The following PLXDC2 variants were observed in gnomAD, a reference collection of about 807,000 sequenced individuals.
The protein encoded by PLXDC2 is plexin domain-containing protein 2.
PLXDC2 carries 40 observed loss-of-function variants against 68.9 expected under a neutral mutation model. That is an observed-to-expected ratio of 0.58 (90% CI 0.45 to 0.76). The LOEUF (loss-of-function observed/expected upper bound fraction) is 0.76. Among genes scored for constraint, PLXDC2 ranks in the 30% least tolerant of loss-of-function variants. The pLI, the probability that PLXDC2 is intolerant of heterozygous loss-of-function variation, is 0.00. For missense variants in PLXDC2, 644 were observed against 661.9 expected, an observed-to-expected ratio of 0.97 and a Z score of 0.30; for synonymous variants, 243 against 234.2, an observed-to-expected ratio of 1.04 and a Z score of -0.34.
intron 9 of PLXDC2, among the ~76,000 whole-genome samples, chr10:20,189,600 T>A (rs1393664020): frequency 6.8e-6 from 1 of 148,054 alleles, no homozygotes; most frequent in Non-Finnish European, 1.5e-5. Context: ...TTAGGGCAAT[T>A]TGGGCACTCA....
rs1454935473 is a variant in PLXDC2 at position 20,281,085 on chromosome 10, G to T, written c.*1266G>T. On this transcript the variant is annotated 3_prime_UTR_variant, in exon 14 of 14. Coordinates refer to ENST00000377252, the MANE Select transcript of PLXDC2 (RefSeq NM_032812.9). ...TATTTTTCTGTCACTTAGCAAAAGT[G>T]GTTCAGTTCATTGCCGCGCCCATCA... 3 of 152,038 alleles carry T rather than the reference G, an allele frequency of 2.0e-5. No individual in the cohort carries two copies. The highest frequency in any genetic ancestry group is 7.2e-5 in the African/African-American group (3 of 41,408). 9.4% of individuals were successfully genotyped at this position (152,038 alleles called of 1,614,324 possible). A position where few individuals can be genotyped will look rare whatever the true frequency, so the allele number is the denominator to read the frequency against.
chr10:20,272,115 C>CT (rs1835948105), intron 13 of PLXDC2, among the ~76,000 whole-genome samples: 1 of 151,944 alleles, frequency 6.6e-6, no homozygotes, highest in Admixed American at 6.6e-5. Context: ...GGGGAAGGGC[C>CT]CTTTTTCAGG....
At chr10:19,836,891 G>A (rs996860308) in intron 1 of PLXDC2, among the ~76,000 whole-genome samples, 1 of 152,168 alleles carries the variant, frequency 6.6e-6, no homozygotes, top group Admixed American at 6.5e-5. Context: ...TTTTTGTGGT[G>A]ATTAAAATAG....
chr10:20,051,442 A>G (rs959674533), intron 3 of PLXDC2, among the ~76,000 whole-genome samples: 20 of 116,736 alleles, frequency 1.7e-4, no homozygotes, highest in African/African-American at 4.8e-4. Flanking sequence ...ATATATATAT[A>G]TGTGCTATTA....
At chr10:19,914,517 A>G (rs1247461190) in intron 1 of PLXDC2, among the ~76,000 whole-genome samples, 3 of 152,256 alleles carry the variant, frequency 2.0e-5, no homozygotes, top group Non-Finnish European at 4.4e-5. Context: ...ATAAATGATA[A>G]GTAAAGAGTT....
At chr10:20,143,582 C>A (rs1224232447) in intron 5 of PLXDC2, among the ~76,000 whole-genome samples, 165 bp downstream of exon 5, 1 of 152,068 alleles carries the variant, frequency 6.6e-6, no homozygotes. Flanking sequence ...ATAAAGTACA[C>A]AAATGGCATT....
chr10:20,057,952 GT>G (rs1396761262), intron 3 of PLXDC2, among the ~76,000 whole-genome samples: 2 of 151,810 alleles, frequency 1.3e-5, no homozygotes, highest in East Asian at 3.9e-4. Flanking sequence ...GGCTCTTTGT[GT>G]TATTTTTTGT....
intron 4 of PLXDC2, among the ~76,000 whole-genome samples, chr10:20,074,745 A>C (rs1223295417): frequency 1.3e-5 from 2 of 152,196 alleles, no homozygotes; most frequent in Non-Finnish European, 2.9e-5. Flanking sequence ...GTTATTACTC[A>C]TGATGATTGA....
intron 12 of PLXDC2, among the ~76,000 whole-genome samples, chr10:20,226,528 G>T (rs1035300256): frequency 6.6e-6 from 1 of 152,172 alleles, no homozygotes; most frequent in African/African-American, 2.4e-5. Context: ...CAGAAAGGTT[G>T]CAATTTCGTT....
chr10:19,872,123 A>G (rs538335572), intron 1 of PLXDC2, among the ~76,000 whole-genome samples: 1 of 152,308 alleles, frequency 6.6e-6, no homozygotes, highest in South Asian at 2.1e-4. Context: ...ACTTTTCTTC[A>G]GAAAATCCAA....
chr10:19,835,579 T>A (rs1468246510), intron 1 of PLXDC2, among the ~76,000 whole-genome samples: 3 of 151,784 alleles, frequency 2.0e-5, no homozygotes, highest in Non-Finnish European at 1.5e-5. Flanking sequence ...TATCTGGTGG[T>A]GATGGGAACC....
chr10:20,192,123 A>C (rs1834774648), intron 9 of PLXDC2, among the ~76,000 whole-genome samples: 1 of 152,034 alleles, frequency 6.6e-6, no homozygotes, highest in Admixed American at 6.6e-5. Context: ...GAAACTAGGA[A>C]CTGGTGGAGG....
chr10:19,931,788 G>C lies in PLXDC2; in HGVS notation c.113-69987G>C, dbSNP rs148681828. On this transcript the variant is annotated intron_variant, in intron 1 of 13. Coordinates refer to ENST00000377252, the MANE Select transcript of PLXDC2 (RefSeq NM_032812.9). ...TGCCTCTATCTGACTCACCCTCCCT[G>C]CCATACAGAGCAGTTTCAGGCTTGT... 4.2e-3 allele frequency among the ~76,000 whole-genome samples: 636 copies of C among 152,238 alleles called. 2 individuals carry two copies. Among genetic ancestry groups the C allele is most frequent in the Middle Eastern group, 0.014 (4 of 294 alleles).
In PLXDC2 at chr10:19,932,750, T is replaced by TA. The variant is rs1165525181; in HGVS notation, c.113-69018dup. On this transcript the variant is annotated intron_variant, in intron 1 of 13. Transcript: ENST00000377252. ...GCTAAAGTCAGAATGTTATGGGAAT[T>TA]AAAAAAACCACATTCTTTCTGAGCA... Among the ~76,000 whole-genome samples, 6 of 139,952 alleles carry TA rather than the reference T, an allele frequency of 4.3e-5. No homozygotes were observed. The East Asian group carries it at 6.1e-4, about 14-fold the overall frequency. The allele number at this position is 139,952 out of a possible 152,430, so 91.8% of individuals were successfully genotyped here.
intron 1 of PLXDC2, among the ~76,000 whole-genome samples, chr10:19,869,363 G>A (rs139904437): frequency 2.0e-5 from 3 of 151,510 alleles, no homozygotes; most frequent in African/African-American, 7.3e-5. Context: ...GGCAGAGGTT[G>A]CAATGAGCTG....
In PLXDC2 at chr10:20,265,863, A is replaced by C. The variant is rs891961846; in HGVS notation, c.1474-13840A>C. Among the ~76,000 whole-genome samples the C allele has an allele frequency of 1.1e-4, 17 of 152,304 alleles. No homozygotes were observed. The Middle Eastern group carries it at 0.01, about 91-fold the overall frequency. ...TACTCCAGAAAGTCACATTTAAGCCAAGGCTTTTGACAATTACGTGTGCCT... is the reference window on the plus strand; with the variant it reads ...TACTCCAGAAAGTCACATTTAAGCCCAGGCTTTTGACAATTACGTGTGCCT... On this transcript the variant is annotated intron_variant, in intron 13 of 13. Transcript: ENST00000377252.
intron 1 of PLXDC2, among the ~76,000 whole-genome samples, chr10:19,974,762 G>T (rs890708935): frequency 2.0e-5 from 3 of 152,166 alleles, no homozygotes; most frequent in Admixed American, 6.5e-5. Context: ...GCATTCAATA[G>T]ATTTCAGTTA....
At chr10:20,244,013 C>G (rs1213160701) in intron 12 of PLXDC2, among the ~76,000 whole-genome samples, 1 of 151,162 alleles carries the variant, frequency 6.6e-6, no homozygotes, top group Non-Finnish European at 1.5e-5. Flanking sequence ...GAGCCGAGAT[C>G]ACACCACTGC....
intron 3 of PLXDC2, among the ~76,000 whole-genome samples, chr10:20,051,890 A>T (rs1230012219): frequency 1.3e-5 from 2 of 152,046 alleles, no homozygotes; most frequent in Non-Finnish European, 2.9e-5. Context: ...TGTCACAACT[A>T]CTTGACTCTA....
Sources: gnomAD v4.1 joint callset for allele counts (sites outside exome capture counted in the v4.1 genomes callset) on GRCh38, gnomAD v4.1.1 for gene constraint, MANE v1.5 for transcripts, NCBI Gene and HGNC (gene_info 2026-07-23, HGNC 2026-07-21) for gene names.